Variants in SLC4A4 observed in about 807,000 individuals in gnomAD.
The protein encoded by SLC4A4 is solute carrier family 4 member 4.
A neutral mutation model predicts 111.5 loss-of-function variants in SLC4A4; 27 were observed. The observed-to-expected ratio is 0.24, with a 90% confidence interval of 0.18 to 0.33. The LOEUF is 0.33. SLC4A4 is among the 10% of genes least tolerant of loss of function. The probability of loss-of-function intolerance (pLI) is 1.00; values close to 1 mark genes in which losing one functional copy is unlikely to be tolerated. For missense variants in SLC4A4, 909 were observed against 1,315.5 expected, an observed-to-expected ratio of 0.69 and a Z score of 4.78; for synonymous variants, 443 against 463.4, an observed-to-expected ratio of 0.96 and a Z score of 0.57.
At chr4:71,442,795 A>G (rs1724847630) in intron 8 of SLC4A4, among the ~76,000 whole-genome samples, 1 of 151,930 alleles carries the variant, frequency 6.6e-6, no homozygotes, top group Non-Finnish European at 1.5e-5. Context: ...ACTACCATGC[A>G]CCTTCTAGGA....
intron 12 of SLC4A4, among the ~76,000 whole-genome samples, chr4:71,459,766 C>T (rs1472452404): frequency 1.3e-5 from 2 of 152,020 alleles, no homozygotes; most frequent in African/African-American, 2.4e-5. Context: ...CAAGGCTATA[C>T]CAGTTCATAT....
Position 71,570,265 on chromosome 4 carries a change from A to G in SLC4A4, c.*2514A>G, listed in dbSNP as rs1394688827. On this transcript the variant is annotated 3_prime_UTR_variant, in exon 26 of 26. Transcript: ENST00000264485. ...CAGCCTCTGAGTAGAGGTAAAACCT[A>G]TGTGTACTTCTGTTTATGATCCATA... 1.3e-5 allele frequency: 2 copies of G among 148,398 alleles called. No homozygotes were observed. The highest frequency in any genetic ancestry group is 6.8e-5 in the Admixed American group (1 of 14,792). The allele number at this position is 148,398 out of a possible 1,614,324, so 9.2% of individuals were successfully genotyped here.
chr4:71,405,036 G>A (rs1011444833), intron 7 of SLC4A4, among the ~76,000 whole-genome samples: 3 of 151,568 alleles, frequency 2.0e-5, no homozygotes, highest in African/African-American at 4.8e-5. Context: ...GGCTGGTCTC[G>A]AATTCCTGGG....
chr4:71,416,832 A>G (rs1324593161), intron 7 of SLC4A4, among the ~76,000 whole-genome samples: 1 of 152,200 alleles, frequency 6.6e-6, no homozygotes, highest in Non-Finnish European at 1.5e-5. Flanking sequence ...AATTCAGTGT[A>G]CAGCTGTTCT....
intron 2 of SLC4A4, among the ~76,000 whole-genome samples, chr4:71,179,524 A>C (rs202150345): frequency 0.11 from 16,152 of 151,804 alleles, 1,516 homozygotes; most frequent in African/African-American, 0.24. Context: ...ATACAAAATC[A>C]ATGTGCAAAA....
At chr4:71,136,288 A>G (rs962879708) in intron 2 of SLC4A4, among the ~76,000 whole-genome samples, 2 of 152,230 alleles carry the variant, frequency 1.3e-5, no homozygotes, top group African/African-American at 4.8e-5. Context: ...AGCCTGATGT[A>G]GTTACAGAAG....
At chr4:71,205,239 C>T (rs996483017) in intron 1 of SLC4A4, among the ~76,000 whole-genome samples, 1 of 152,140 alleles carries the variant, frequency 6.6e-6, no homozygotes, top group African/African-American at 2.4e-5. Context: ...AGAAAAGAGC[C>T]AGGACCTTAC....
At chr4:71,310,853 G>A (rs2148853387) in intron 3 of SLC4A4, among the ~76,000 whole-genome samples, 1 of 152,240 alleles carries the variant, frequency 6.6e-6, no homozygotes, top group Admixed American at 6.5e-5. Flanking sequence ...AAATGTAAAT[G>A]GGCTAAGTGC....
At position 71,195,192 on chromosome 4, in the gene SLC4A4, C is replaced by G. The variant is rs545723753; in HGVS notation, c.-2+7791C>G. On this transcript the variant is annotated intron_variant, in intron 1 of 25. Transcript: ENST00000264485. ...AGAAATCTAGTTAGATTTTCTTACC[C>G]AAAGACTGATGTTCTTTTCCTTTTT... 6.7e-5 allele frequency among the ~76,000 whole-genome samples: 10 copies of G among 149,276 alleles called. No individual in the cohort carries two copies. The East Asian group carries it at 2.0e-3, about 29-fold the overall frequency.
At chr4:71,086,131 G>A (rs1742159870) in intron 1 of SLC4A4, among the ~76,000 whole-genome samples, 1 of 151,310 alleles carries the variant, frequency 6.6e-6, no homozygotes, top group Admixed American at 6.6e-5. Flanking sequence ...TCCCTTGTAA[G>A]TTGGATTCCT....
chr4:71,345,228 A>G (rs1679646283), intron 4 of SLC4A4, among the ~76,000 whole-genome samples: 3 of 152,118 alleles, frequency 2.0e-5, no homozygotes, highest in African/African-American at 7.2e-5. Context: ...GTGTCAGCTA[A>G]TGGGTTCATA....
At chr4:71,324,239 C>T (rs953767201) in intron 3 of SLC4A4, among the ~76,000 whole-genome samples, 3 of 151,956 alleles carry the variant, frequency 2.0e-5, no homozygotes, top group East Asian at 1.9e-4. Flanking sequence ...AGGTGAAATT[C>T]GGAAAAAGTC....
rs938766882 is a variant in SLC4A4 at position 71,486,928 on chromosome 4, TA to T, written c.1904-18del. The T allele has an allele frequency of 6.5e-6, 10 of 1,527,172 alleles. No homozygotes were observed. The highest frequency in any genetic ancestry group is 8.1e-6 in the Non-Finnish European group (9 of 1,106,120). 94.6% of individuals were successfully genotyped at this position (1,527,172 alleles called of 1,614,324 possible). ...TCTATTTTAGTTTTATAGTATAAAATAATTATCTTTTGCTTACAGCTAATAT... is the reference window on the plus strand; with the variant it reads ...TCTATTTTAGTTTTATAGTATAAAATATTATCTTTTGCTTACAGCTAATAT... On this transcript the variant is annotated intron_variant, in intron 14 of 25. Transcript: ENST00000264485.
intron 6 of SLC4A4, among the ~76,000 whole-genome samples, chr4:71,369,369 A>G (rs1731641112): frequency 6.6e-6 from 1 of 152,198 alleles, no homozygotes; most frequent in African/African-American, 2.4e-5. Context: ...AGTTGAGGAC[A>G]TTGTAAGGCA....
intron 15 of SLC4A4, 119 bp from the exon 16 acceptor site, chr4:71,497,382 T>C: frequency 2.4e-6 from 2 of 827,650 alleles, no homozygotes; most frequent in Non-Finnish European, 4.0e-6. Context: ...CCTCCAGTGC[T>C]TATTTTCAAA....
At chr4:71,072,559 G>T (rs1741697064) in intron 1 of SLC4A4, among the ~76,000 whole-genome samples, 1 of 146,908 alleles carries the variant, frequency 6.8e-6, no homozygotes, top group African/African-American at 2.7e-5. Context: ...CAGCCTTATG[G>T]CTTTTTTTTT....
At chr4:71,501,752 C>T (rs1730949492) in intron 16 of SLC4A4, among the ~76,000 whole-genome samples, 1 of 151,844 alleles carries the variant, frequency 6.6e-6, no homozygotes, top group Non-Finnish European at 1.5e-5. Flanking sequence ...ACCTCTGCCT[C>T]CCTGGTTCAA....
chr4:71,539,495 G>A (rs1734855639), intron 18 of SLC4A4, among the ~76,000 whole-genome samples: 1 of 152,062 alleles, frequency 6.6e-6, no homozygotes, highest in Admixed American at 6.6e-5. Context: ...TTTTCCTTAA[G>A]CGTGACAGTT....
chr4:71,447,170 C>T (rs1270276463), intron 8 of SLC4A4, among the ~76,000 whole-genome samples: 1 of 152,178 alleles, frequency 6.6e-6, no homozygotes, highest in East Asian at 1.9e-4. Flanking sequence ...CCAGTCACTT[C>T]TGAGTAGACA....
Sources: gnomAD v4.1 joint callset for allele counts (sites outside exome capture counted in the v4.1 genomes callset) on GRCh38, gnomAD v4.1.1 for gene constraint, MANE v1.5 for transcripts, NCBI Gene and HGNC (gene_info 2026-07-23, HGNC 2026-07-21) for gene names.